Variants in PRKAR1B observed in about 807,000 individuals in gnomAD.
PRKAR1B encodes cAMP-dependent protein kinase type I-beta regulatory subunit.
PRKAR1B carries 22 observed loss-of-function variants against 46.5 expected under a neutral mutation model. The ratio of observed to expected loss-of-function variants is 0.47; its 90% CI spans 0.34 to 0.68. PRKAR1B has a LOEUF of 0.68. Among genes scored for constraint, PRKAR1B ranks in the 30% least tolerant of loss-of-function variants. PRKAR1B has a pLI of 0.01. For missense variants in PRKAR1B, 445 were observed against 535.6 expected (o/e 0.83, Z 1.67); for synonymous variants, 259 against 217.7 (o/e 1.19, Z -1.67).
chr7:575,934 G>A (rs1357199226), intron 9 of PRKAR1B, among the ~76,000 whole-genome samples: 5 of 152,078 alleles, frequency 3.3e-5, no homozygotes, highest in African/African-American at 1.2e-4. Context: ...CTCTGCTCAC[G>A]GGCGAACATG....
At position 672,579 on chromosome 7, in the gene PRKAR1B, AAAT is replaced by A. The variant is rs537904699; in HGVS notation, c.440+4647_440+4649del. Among the ~76,000 whole-genome samples, 162 of 151,942 alleles carry A rather than the reference AAAT, an allele frequency of 1.1e-3. 4 individuals carry two copies. The South Asian group carries it at 0.032, about 30-fold the overall frequency. ...TCTTCATTACTGTTGCTAGAAATAA[AAAT>A]AATAGCCAGGCGCGATGGCTCATGT... On this transcript the variant is annotated intron_variant, in intron 4 of 10. Transcript: ENST00000537384.
At chr7:645,468 T>A (rs549508732) in intron 4 of PRKAR1B, among the ~76,000 whole-genome samples, 1 of 152,042 alleles carries the variant, frequency 6.6e-6, no homozygotes, top group Admixed American at 6.5e-5. Context: ...CCAAGCAACA[T>A]AGCAAGACCC....
At chr7:553,077 G>C (rs1298819794) in intron 9 of PRKAR1B, among the ~76,000 whole-genome samples, 1 of 152,164 alleles carries the variant, frequency 6.6e-6, no homozygotes, top group African/African-American at 2.4e-5. Context: ...CAGGGCCCCA[G>C]GTGTGGAAAC....
In PRKAR1B at chr7:726,870, G is replaced by T. The variant is rs1006499632; in HGVS notation, c.-23+340C>A. The T allele has an allele frequency of 8.2e-5, 108 of 1,321,322 alleles. No homozygotes were observed. The highest frequency in any genetic ancestry group is 1.0e-4 in the Non-Finnish European group (105 of 1,038,256). 81.8% of individuals were successfully genotyped at this position (1,321,322 alleles called of 1,614,324 possible). Reference sequence around the variant, plus strand: ...GCAAGCCGGGCCGGCGGCGCGCCTTGGAGGCCCTGCGGCGCGCGCTGGAGG... The same window carrying T: ...GCAAGCCGGGCCGGCGGCGCGCCTTTGAGGCCCTGCGGCGCGCGCTGGAGG... On this transcript the variant is annotated intron_variant, in intron 1 of 10. Coordinates refer to ENST00000537384, the MANE Select transcript of PRKAR1B (RefSeq NM_001164760.2).
chr7:597,046 G>A (rs141509677), intron 6 of PRKAR1B, among the ~76,000 whole-genome samples: 32 of 152,386 alleles, frequency 2.1e-4, no homozygotes, highest in African/African-American at 6.7e-4. Flanking sequence ...CATCACAGTT[G>A]GGTCCGTGCA....
chr7:567,560 C>CGCCA (rs1779249589), intron 9 of PRKAR1B, among the ~76,000 whole-genome samples: 2 of 128,216 alleles, frequency 1.6e-5, no homozygotes, highest in Admixed American at 7.7e-5. Flanking sequence ...TCACCATCAC[C>CGCCA]TTCATCACCA....
In PRKAR1B at chr7:601,381, G is replaced by A. The variant is rs554585965; in HGVS notation, c.549+4812C>T. Among the ~76,000 whole-genome samples the A allele has an allele frequency of 3.1e-3, 468 of 152,288 alleles. 1 individual carries two copies. The highest frequency in any genetic ancestry group is 0.011 in the African/African-American group (444 of 41,554). ...ACAGCAGCTGGATGGGGCTGCCTGG[G>A]GCTGCCATGCGGCCGTTCCCCCGGG... is the stretch of plus-strand genomic sequence containing the variant. On this transcript the variant is annotated intron_variant, in intron 6 of 10. Coordinates refer to ENST00000537384, the MANE Select transcript of PRKAR1B (RefSeq NM_001164760.2).
At chr7:574,683 A>T (rs773036501) in intron 9 of PRKAR1B, among the ~76,000 whole-genome samples, 2 of 152,178 alleles carry the variant, frequency 1.3e-5, no homozygotes, top group Non-Finnish European at 2.9e-5. Flanking sequence ...ACCTCAAGTG[A>T]TCCATCTGCC....
Position 559,362 on chromosome 7 carries a change from C to T in PRKAR1B, c.892-7892G>A, listed in dbSNP as rs546308475. 5.4e-4 allele frequency among the ~76,000 whole-genome samples: 82 copies of T among 152,316 alleles called. No individual in the cohort carries two copies. The South Asian group carries it at 0.014, about 26-fold the overall frequency. On this transcript the variant is annotated intron_variant, in intron 9 of 10. Transcript: ENST00000537384. The stretch of plus-strand genomic sequence containing the variant: ...CAGGCCGAGAGAGGGGCTGGTGCCA[C>T]GGCTGGGAGAAGAGGCTGGAGCAGG...
intron 1 of PRKAR1B, among the ~76,000 whole-genome samples, chr7:721,230 G>T (rs1365650716): frequency 6.6e-6 from 1 of 152,128 alleles, no homozygotes; most frequent in Non-Finnish European, 1.5e-5. Context: ...TGTAATTTTT[G>T]CTTCGATCAT....
chr7:710,594 C>G (rs918207101), intron 2 of PRKAR1B, among the ~76,000 whole-genome samples: 2 of 151,908 alleles, frequency 1.3e-5, no homozygotes, highest in African/African-American at 2.4e-5. Context: ...ACGTGGAATT[C>G]GACCTCAAAC....
chr7:611,775 TG>T (rs1427701352), intron 4 of PRKAR1B, among the ~76,000 whole-genome samples: 2 of 151,578 alleles, frequency 1.3e-5, no homozygotes, highest in African/African-American at 2.4e-5. Context: ...AATGAATGGA[TG>T]GATGGATGGA....
chr7:612,166 G>A (rs1362249353), intron 4 of PRKAR1B, among the ~76,000 whole-genome samples: 1 of 147,928 alleles, frequency 6.8e-6, no homozygotes, highest in Non-Finnish European at 1.5e-5. Flanking sequence ...ATGGATGGAT[G>A]GACAGGTGGG....
At chr7:597,419 T>G (rs556990319) in intron 6 of PRKAR1B, among the ~76,000 whole-genome samples, 1 of 152,350 alleles carries the variant, frequency 6.6e-6, no homozygotes, top group Admixed American at 6.5e-5. Context: ...AGACTCTGCC[T>G]GGCGGGGATG....
intron 1 of PRKAR1B, among the ~76,000 whole-genome samples, chr7:719,125 C>T (rs1019619686): frequency 2.6e-5 from 4 of 152,060 alleles, no homozygotes; most frequent in East Asian, 1.9e-4. Context: ...CTGCAACCTC[C>T]GCCTCCCAGG....
intron 7 of PRKAR1B, among the ~76,000 whole-genome samples, chr7:591,473 G>C (rs985256874): frequency 4.6e-5 from 7 of 152,214 alleles, no homozygotes; most frequent in African/African-American, 1.4e-4. Context: ...GAGTCGGCTC[G>C]GGGGGCACGG....
At chr7:728,929 C>T (rs141888113), upstream of PRKAR1B, among the ~76,000 whole-genome samples, 678 of 151,636 alleles carry the variant, frequency 4.5e-3, 3 homozygotes, top group African/African-American at 0.016. Flanking sequence ...GTTTCCCAGA[C>T]GGGCCCCAAG....
chr7:594,093 G>A (rs997418411), intron 7 of PRKAR1B, among the ~76,000 whole-genome samples: 2 of 152,106 alleles, frequency 1.3e-5, no homozygotes, highest in African/African-American at 4.8e-5. Context: ...CAGCTCACGG[G>A]GCTCCATCCT....
chr7:603,875 G>A lies in PRKAR1B; in HGVS notation c.549+2318C>T, dbSNP rs149224485. 1.4e-3 allele frequency among the ~76,000 whole-genome samples: 210 copies of A among 151,200 alleles called. 2 individuals are homozygous for A. Among genetic ancestry groups the A allele is most frequent in the African/African-American group, 4.9e-3 (198 of 40,600 alleles). On this transcript the variant is annotated intron_variant, in intron 6 of 10. Transcript: ENST00000537384. ...CAGGACCCAGAATGGACAGGGCGGG[G>A]GAGGAGGTGACACGGTGACACCAGG...
Sources: gnomAD v4.1 joint callset for allele counts (sites outside exome capture counted in the v4.1 genomes callset) on GRCh38, gnomAD v4.1.1 for gene constraint, MANE v1.5 for transcripts, NCBI Gene and HGNC (gene_info 2026-07-23, HGNC 2026-07-21) for gene names.